ENPP4: variants seen among roughly 807,000 people sequenced by gnomAD.
ENPP4 encodes the protein bis(5'-adenosyl)-triphosphatase ENPP4.
Under a neutral mutation model 33.4 loss-of-function variants are expected in ENPP4, and 18 were observed. The ratio of observed to expected loss-of-function variants is 0.54; its 90% CI spans 0.37 to 0.80. The LOEUF is 0.80. Among genes scored for constraint, ENPP4 ranks in the 30% least tolerant of loss-of-function variants. The probability of loss-of-function intolerance (pLI) is 0.00; values close to 1 mark genes in which losing one functional copy is unlikely to be tolerated. For synonymous variants in ENPP4, 172 were observed against 189.9 expected, an observed-to-expected ratio of 0.91 and a Z score of 0.78; for missense variants, 480 against 541.7, an observed-to-expected ratio of 0.89 and a Z score of 1.13.
chr6:46,133,638 C>A (rs868016439), intron 1 of ENPP4, among the ~76,000 whole-genome samples: 1 of 152,114 alleles, frequency 6.6e-6, no homozygotes, highest in Admixed American at 6.6e-5. Flanking sequence ...TGGTTGCAGT[C>A]CAGAGAGGTC....
In ENPP4 at chr6:46,140,467, G is replaced by A. The variant is rs1764042791; in HGVS notation, c.826+58G>A. 4.9e-6 allele frequency: 5 copies of A among 1,015,424 alleles called. No individual in the cohort carries two copies. In the African/African-American group the frequency reaches 6.5e-5, roughly 13 times the overall value. 62.9% of individuals were successfully genotyped at this position (1,015,424 alleles called of 1,614,324 possible). On this transcript the variant is annotated intron_variant, in intron 2 of 3. Coordinates refer to ENST00000321037, the MANE Select transcript of ENPP4 (RefSeq NM_014936.5). Reference sequence around the variant, plus strand: ...TTCGAATGGGGCAATTGATTGAGGGGGGTGGGTTGTATAAAAGAATGAAGC... The same window carrying A: ...TTCGAATGGGGCAATTGATTGAGGGAGGTGGGTTGTATAAAAGAATGAAGC...
chr6:46,143,758 G>A lies in ENPP4; in HGVS notation c.*118G>A, dbSNP rs1226062438. Reference sequence around the variant, plus strand: ...TTGAAAGACAAAGAACTTAGACTAAGCATGTTAAAATTATTACTTTGTTTT... The same window carrying A: ...TTGAAAGACAAAGAACTTAGACTAAACATGTTAAAATTATTACTTTGTTTT... On this transcript the variant is annotated 3_prime_UTR_variant, in exon 4 of 4. Transcript: ENST00000321037. The A allele has an allele frequency of 3.8e-6, 4 of 1,051,786 alleles. No individual in the cohort carries two copies. The highest frequency in any genetic ancestry group is 4.1e-6 in the Non-Finnish European group (3 of 729,228). The allele number at this position is 1,051,786 out of a possible 1,614,324, so 65.2% of individuals were successfully genotyped here.
chr6:46,133,815 T>C (rs1562058594), intron 1 of ENPP4, among the ~76,000 whole-genome samples: 1 of 152,096 alleles, frequency 6.6e-6, no homozygotes, highest in Non-Finnish European at 1.5e-5. Flanking sequence ...CACTCCCTAT[T>C]AGAATGAGAC....
At position 46,144,762 on chromosome 6, in the gene ENPP4, G is replaced by C; in HGVS notation, c.*1122G>C. 1 of 382,636 alleles carries C rather than the reference G, an allele frequency of 2.6e-6. No individual in the cohort carries two copies. The highest frequency in any genetic ancestry group is 4.6e-6 in the Non-Finnish European group (1 of 215,800). The allele number at this position is 382,636 out of a possible 1,614,324, so 23.7% of individuals were successfully genotyped here. A position where few individuals can be genotyped will look rare whatever the true frequency, so the allele number is the denominator to read the frequency against. On this transcript the variant is annotated 3_prime_UTR_variant, in exon 4 of 4. Transcript: ENST00000321037. ...TTTATGCCTTACTTTTTAGGCTATA[G>C]AATAGTTAAGAAATTTTAAACAAAA... is the stretch of plus-strand genomic sequence containing the variant.
intron 3 of ENPP4, among the ~76,000 whole-genome samples, chr6:46,142,431 A>G (rs1764080305): frequency 7.1e-6 from 1 of 139,950 alleles, no homozygotes; most frequent in Admixed American, 7.8e-5. Flanking sequence ...TATTTTCTAC[A>G]TATATATGTA....
chr6:46,143,107 T>TGAGAGAGA (rs35942390), intron 3 of ENPP4, among the ~76,000 whole-genome samples, 169 bp from the exon 4 acceptor site: 1 of 148,106 alleles, frequency 6.8e-6, no homozygotes, highest in Non-Finnish European at 1.5e-5. Flanking sequence ...TGTGTGTATG[T>TGAGAGAGA]GAGAGAGAGA....
At position 46,145,932 on chromosome 6, in the gene ENPP4, A is replaced by G. The variant is rs557167109; in HGVS notation, c.*2292A>G. On this transcript the variant is annotated 3_prime_UTR_variant, in exon 4 of 4. Coordinates refer to ENST00000321037, the MANE Select transcript of ENPP4 (RefSeq NM_014936.5). ...TTAAAAAATTATCACTGTTAAAGCC[A>G]TTGACTCCTTTAGTACACTGAGAAA... The G allele has an allele frequency of 9.2e-5, 14 of 152,018 alleles. No homozygotes were observed. Among genetic ancestry groups the G allele is most frequent in the Admixed American group, 7.9e-4 (12 of 15,206 alleles). 9.4% of individuals were successfully genotyped at this position (152,018 alleles called of 1,614,324 possible). A position where few individuals can be genotyped will look rare whatever the true frequency, so the allele number is the denominator to read the frequency against.
chr6:46,138,605 T>C (rs766675230), intron 1 of ENPP4, among the ~76,000 whole-genome samples: 48 of 151,804 alleles, frequency 3.2e-4, no homozygotes, highest in Non-Finnish European at 6.0e-4. Flanking sequence ...CCCTCAAATC[T>C]GTCAGCTCCC....
At chr6:46,137,286 T>C (rs1362306880) in intron 1 of ENPP4, among the ~76,000 whole-genome samples, 1 of 151,900 alleles carries the variant, frequency 6.6e-6, no homozygotes, top group East Asian at 1.9e-4. Flanking sequence ...TGAGTATGTT[T>C]TCCCTGTGAG....
At chr6:46,130,491 A>T (rs1336466920) in intron 1 of ENPP4, among the ~76,000 whole-genome samples, 1 of 152,084 alleles carries the variant, frequency 6.6e-6, no homozygotes, top group African/African-American at 2.4e-5. Flanking sequence ...TAGTGGAGGA[A>T]CCTAAGGTGG....
rs542706599 is a variant in ENPP4, at chr6:46,138,283, G to A, written c.-33-1268G>A. ...CCCAATTTCAGCTGCTCTTTAGTTA[G>A]CATCTTCAGCTTCCTTTGTCTTCCT... On this transcript the variant is annotated intron_variant, in intron 1 of 3. Transcript: ENST00000321037. Among the ~76,000 whole-genome samples the A allele has an allele frequency of 7.2e-5, 11 of 151,926 alleles. No individual in the cohort carries two copies. The East Asian group carries it at 1.2e-3, about 16-fold the overall frequency.
Position 46,140,232 on chromosome 6 carries a change from T to C in ENPP4, c.649T>C (p.Leu217=), listed in dbSNP as rs1205981776. 3 of 1,612,548 alleles carry C rather than the reference T, an allele frequency of 1.9e-6. No individual in the cohort carries two copies. The highest frequency in any genetic ancestry group is 2.5e-6 in the Non-Finnish European group (3 of 1,179,090). Reference sequence around the variant, plus strand: ...AAAAATAGATGATCTTATCGGTGACTTAGTCCAAAGACTCAAGATGTTAGG... The same window carrying C: ...AAAAATAGATGATCTTATCGGTGACCTAGTCCAAAGACTCAAGATGTTAGG... ...LKKIDDLIGD[L]VQRLKMLGLW... Residue 217 remains leucine, a synonymous_variant, in exon 2 of 4, where the codon TTA becomes CTA. Coordinates refer to ENST00000321037, the MANE Select transcript of ENPP4 (RefSeq NM_014936.5).
chr6:46,142,089 A>G (rs1273670229), intron 3 of ENPP4, among the ~76,000 whole-genome samples: 1 of 151,514 alleles, frequency 6.6e-6, no homozygotes, highest in Non-Finnish European at 1.5e-5. Flanking sequence ...ATTTAGAAGT[A>G]TCAGGCAAGC....
chr6:46,139,422 T>C (rs1764022085), intron 1 of ENPP4, 129 bp from the exon 2 acceptor site: 1 of 548,862 alleles, frequency 1.8e-6, no homozygotes, highest in African/African-American at 1.9e-5. Context: ...AAATAAATGG[T>C]ATTATTTAAG....
rs764122304 is a variant in ENPP4, at chr6:46,146,617, T to G, written c.*2977T>G. The stretch of plus-strand genomic sequence containing the variant: ...TTACTTGAGTTCAGAATTAATGACT[T>G]TGTTCATGATTTTTAAAATGTGTGT... On this transcript the variant is annotated 3_prime_UTR_variant, in exon 4 of 4. Coordinates refer to ENST00000321037, the MANE Select transcript of ENPP4 (RefSeq NM_014936.5). 1.5e-4 allele frequency: 23 copies of G among 152,072 alleles called. No homozygotes were observed. The highest frequency in any genetic ancestry group is 2.9e-4 in the Non-Finnish European group (20 of 67,862). 9.4% of individuals were successfully genotyped at this position (152,072 alleles called of 1,614,324 possible).
intron 1 of ENPP4, among the ~76,000 whole-genome samples, chr6:46,131,003 C>G (rs936266953): frequency 6.6e-6 from 1 of 152,140 alleles, no homozygotes; most frequent in Non-Finnish European, 1.5e-5. Flanking sequence ...TCTATTTCTT[C>G]TTTTTTCCCC....
At chr6:46,142,196 G>A (rs771261339) in intron 3 of ENPP4, among the ~76,000 whole-genome samples, 3 of 150,532 alleles carry the variant, frequency 2.0e-5, no homozygotes, top group Non-Finnish European at 4.4e-5. Context: ...GAAAAGCATA[G>A]GAAAGAGAAC....
intron 3 of ENPP4, among the ~76,000 whole-genome samples, chr6:46,142,690 T>A (rs1764084904): frequency 6.6e-6 from 1 of 151,406 alleles, no homozygotes; most frequent in African/African-American, 2.4e-5. Context: ...AATGGCAACA[T>A]TTGTTAAAAT....
Position 46,145,590 on chromosome 6 carries a change from C to T in ENPP4, c.*1950C>T, listed in dbSNP as rs1460465399. The T allele has an allele frequency of 6.6e-6, 1 of 151,718 alleles. No individual in the cohort carries two copies. Among genetic ancestry groups the T allele is most frequent in the African/African-American group, 2.4e-5 (1 of 41,344 alleles). The allele number at this position is 151,718 out of a possible 1,614,324, so 9.4% of individuals were successfully genotyped here. ...TAAAATAGTAGCAGAATATTTTATACTTGGTCCTTGCAATGGTGTGAGTTT... is the reference window on the plus strand; with the variant it reads ...TAAAATAGTAGCAGAATATTTTATATTTGGTCCTTGCAATGGTGTGAGTTT... On this transcript the variant is annotated 3_prime_UTR_variant, in exon 4 of 4. Transcript: ENST00000321037.
Sources: allele counts gnomAD v4.1 joint callset (sites outside exome capture counted in the v4.1 genomes callset), GRCh38; gene constraint gnomAD v4.1.1; transcripts MANE v1.5; gene names NCBI Gene and HGNC (gene_info 2026-07-23, HGNC 2026-07-21).